Variants in TTC39B observed in about 807,000 individuals in gnomAD.
TTC39B encodes tetratricopeptide repeat protein 39B.
TTC39B carries 92 observed loss-of-function variants against 96.6 expected under a neutral mutation model. That is an observed-to-expected ratio of 0.95 (90% CI 0.80 to 1.13). The LOEUF (loss-of-function observed/expected upper bound fraction) is 1.13, where lower values mean the gene tolerates loss of function less well. Ranked by LOEUF, TTC39B falls within the 50% of genes most tolerant of loss-of-function variation. The probability of loss-of-function intolerance (pLI) is 0.00; values close to 1 mark genes in which losing one functional copy is unlikely to be tolerated. For missense variants in TTC39B, 955 were observed against 809.3 expected, an observed-to-expected ratio of 1.18 and a Z score of -2.18; for synonymous variants, 367 against 299.4, an observed-to-expected ratio of 1.23 and a Z score of -2.33.
At chr9:15,252,186 C>T (rs1381971922) in intron 2 of TTC39B, among the ~76,000 whole-genome samples, 1 of 152,182 alleles carries the variant, frequency 6.6e-6, no homozygotes, top group Admixed American at 6.5e-5. Flanking sequence ...CTTCATTTTT[C>T]CATCAATATA....
chr9:15,294,787 A>G (rs1446876346), intron 1 of TTC39B, among the ~76,000 whole-genome samples: 3 of 152,204 alleles, frequency 2.0e-5, no homozygotes, highest in Non-Finnish European at 4.4e-5. Flanking sequence ...ATCTTTACAC[A>G]ATGCCTGTGA....
intron 1 of TTC39B, among the ~76,000 whole-genome samples, chr9:15,286,707 C>T (rs1823986692): frequency 6.6e-6 from 1 of 152,206 alleles, no homozygotes; most frequent in African/African-American, 2.4e-5. Flanking sequence ...AACTGAGCTT[C>T]CAACCTCAGC....
intron 2 of TTC39B, among the ~76,000 whole-genome samples, chr9:15,260,542 C>A (rs1382673950): frequency 6.6e-6 from 1 of 151,986 alleles, no homozygotes; most frequent in East Asian, 1.9e-4. Flanking sequence ...CAGATGTTTT[C>A]CAACTATCAT....
chr9:15,220,511 T>A (rs1395165571), intron 3 of TTC39B, among the ~76,000 whole-genome samples: 1 of 152,190 alleles, frequency 6.6e-6, no homozygotes, highest in Non-Finnish European at 1.5e-5. Context: ...CAGGTATTAT[T>A]AACATTGCCG....
At chr9:15,294,563 G>A (rs1012181932) in intron 1 of TTC39B, among the ~76,000 whole-genome samples, 1 of 152,158 alleles carries the variant, frequency 6.6e-6, no homozygotes, top group Admixed American at 6.5e-5. Flanking sequence ...TTTAGATAGA[G>A]CTGGAACAGA....
chr9:15,251,492 G>A (rs1339938444), intron 2 of TTC39B, among the ~76,000 whole-genome samples: 1 of 151,622 alleles, frequency 6.6e-6, no homozygotes, highest in East Asian at 1.9e-4. Context: ...AACTGGGTAG[G>A]TGCAGGTTGC....
chr9:15,247,707 C>A (rs1822341669), intron 2 of TTC39B, among the ~76,000 whole-genome samples: 1 of 152,010 alleles, frequency 6.6e-6, no homozygotes. Flanking sequence ...TGTATATGTG[C>A]TGTTAACAGG....
intron 2 of TTC39B, among the ~76,000 whole-genome samples, chr9:15,241,583 ATG>A (rs1465158820): frequency 6.6e-6 from 1 of 152,138 alleles, no homozygotes; most frequent in Non-Finnish European, 1.5e-5. Context: ...GATAAAAGAG[ATG>A]TGACTTAAAA....
At chr9:15,224,451 T>A (rs1821014547) in intron 3 of TTC39B, 3 of 152,292 alleles carry the variant, frequency 2.0e-5, no homozygotes, top group Non-Finnish European at 4.4e-5. Flanking sequence ...TGCTTCAATG[T>A]TCTGTGTTCC....
At chr9:15,177,787 T>A (rs1309565126) in exon 18 of TTC39B, 2 of 1,609,436 alleles carry the variant, frequency 1.2e-6, no homozygotes, top group Admixed American at 3.4e-5. Context: ...CACTAAGCAC[T>A]CATCATCCAC....
At chr9:15,170,010 G>T (rs542473687) in exon 20 of TTC39B, 11 of 151,900 alleles carry the variant, frequency 7.2e-5, no homozygotes, top group Admixed American at 3.3e-4. Flanking sequence ...TGTTACCAAA[G>T]CTCTTCTAAG....
At chr9:15,220,696 C>T (rs1309402024) in intron 3 of TTC39B, among the ~76,000 whole-genome samples, 1 of 151,672 alleles carries the variant, frequency 6.6e-6, no homozygotes, top group Non-Finnish European at 1.5e-5. Flanking sequence ...CAAATAATTT[C>T]AGGCTTCCAA....
chr9:15,189,734 C>T, exon 12 of TTC39B: 1 of 1,613,954 alleles, frequency 6.2e-7, no homozygotes, highest in Non-Finnish European at 8.5e-7. Flanking sequence ...CATTTGGAAA[C>T]TGCTGGAGGA....
intron 1 of TTC39B, among the ~76,000 whole-genome samples, chr9:15,276,674 C>A (rs995830987): frequency 6.6e-6 from 1 of 152,234 alleles, no homozygotes; most frequent in South Asian, 2.1e-4. Context: ...TGTAGTAGAG[C>A]GGAAAGCATA....
chr9:15,274,688 C>A (rs1283912246), intron 1 of TTC39B, among the ~76,000 whole-genome samples: 2 of 152,096 alleles, frequency 1.3e-5, no homozygotes, highest in Non-Finnish European at 2.9e-5. Flanking sequence ...CAAAACATGA[C>A]CTTCTCAAAT....
At chr9:15,203,540 C>T (rs185082218) in intron 7 of TTC39B, among the ~76,000 whole-genome samples, 4 of 152,032 alleles carry the variant, frequency 2.6e-5, no homozygotes, top group African/African-American at 4.8e-5. Context: ...GGATTACAGG[C>T]GTGAGCCACC....
At chr9:15,237,141 G>T (rs1047870688) in intron 2 of TTC39B, among the ~76,000 whole-genome samples, 2 of 152,062 alleles carry the variant, frequency 1.3e-5, no homozygotes, top group African/African-American at 4.8e-5. Context: ...ATGGCGAAAC[G>T]TCATCTCCAT....
At chr9:15,231,367 C>A (rs1047149884) in intron 2 of TTC39B, among the ~76,000 whole-genome samples, 1 of 152,152 alleles carries the variant, frequency 6.6e-6, no homozygotes, top group East Asian at 1.9e-4. Context: ...AATTTCTTAA[C>A]AGCTTGGCCA....
chr9:15,166,722 T>C (rs1465144503), exon 20 of TTC39B: 1 of 151,890 alleles, frequency 6.6e-6, no homozygotes, highest in East Asian at 1.9e-4. Flanking sequence ...GACAAAAATA[T>C]GTAAATAACT....
Sources: gnomAD v4.1 joint callset for allele counts (sites outside exome capture counted in the v4.1 genomes callset) on GRCh38, gnomAD v4.1.1 for gene constraint, MANE v1.5 for transcripts, NCBI Gene and HGNC (gene_info 2026-07-23, HGNC 2026-07-21) for gene names.